Variants in SBK2 observed in about 807,000 individuals in gnomAD.
The protein encoded by SBK2 is SH3 domain binding kinase family member 2.
Under a neutral mutation model 15.9 loss-of-function variants are expected in SBK2, and 18 were observed. The ratio of observed to expected loss-of-function variants is 1.13; its 90% confidence interval spans 0.78 to 1.68. The LOEUF (loss-of-function observed/expected upper bound fraction) is 1.68. SBK2 is among the 40% of genes most tolerant of loss of function. SBK2 has a pLI of 0.00. For synonymous variants in SBK2, 284 were observed against 246.8 expected (o/e 1.15, Z -1.41); for missense variants, 581 against 510.9 (o/e 1.14, Z -1.32).
At chr19:55,534,704 C>CAAAAAAAAAA (rs35461460) in intron 2 of SBK2, among the ~76,000 whole-genome samples, 1 of 82,582 alleles carries the variant, frequency 1.2e-5, no homozygotes, top group Non-Finnish European at 2.1e-5. Flanking sequence ...GACCCTGTCT[C>CAAAAAAAAAA]AAAAAAAAAA....
chr19:55,530,499 T>TAG (rs1568491189), intron 3 of SBK2, among the ~76,000 whole-genome samples, 176 bp from the exon 4 acceptor site: 20 of 36,508 alleles, frequency 5.5e-4, no homozygotes, highest in Admixed American at 6.9e-4. Flanking sequence ...GGTGACCCCG[T>TAG]GAGGCCTAGT....
intron 1 of SBK2, among the ~76,000 whole-genome samples, chr19:55,536,574 C>T (rs1029062649): frequency 1.3e-5 from 2 of 150,078 alleles, no homozygotes; most frequent in Non-Finnish European, 3.0e-5. Context: ...ATCTTGTTTC[C>T]AAAGCAAACA....
At chr19:55,536,382 G>T in intron 1 of SBK2, 86 bp from the exon 2 acceptor site, 1 of 1,206,076 alleles carries the variant, frequency 8.3e-7, no homozygotes, top group Non-Finnish European at 1.1e-6. Context: ...GGGTCTGAGG[G>T]AGGAGGGGCT....
At position 55,529,886 on chromosome 19, in the gene SBK2, G is replaced by C. The variant is rs767873218; in HGVS notation, c.894C>G (p.Ala298=). ...DRPQPWFGLA[A]AADALLRGLL... ...GCCCCCGCAGAAGCGCGTCGGCCGC[G>C]GCGGCCAGGCCGAACCAGGGCTGAG... The change falls in exon 4 of 4, where the codon GCC becomes GCG. Residue 298 remains alanine, a synonymous_variant. Coordinates refer to ENST00000413299, the MANE Select transcript of SBK2 (RefSeq NM_001370096.2). 2.5e-6 allele frequency: 4 copies of C among 1,582,900 alleles called. No individual in the cohort carries two copies. The highest frequency in any genetic ancestry group is 1.1e-5 in the South Asian group (1 of 88,246).
chr19:55,530,389 A>G, intron 3 of SBK2, 66 bp from the exon 4 acceptor site: 4 of 1,359,776 alleles, frequency 2.9e-6, no homozygotes, highest in Non-Finnish European at 3.8e-6. Context: ...CCCAGGAAGC[A>G]GGCCCAGGAC....
intron 2 of SBK2, among the ~76,000 whole-genome samples, chr19:55,532,449 C>G (rs113041133): frequency 0.013 from 1,925 of 148,782 alleles, 35 homozygotes; most frequent in African/African-American, 0.044. Flanking sequence ...ATTACGGGCA[C>G]CTGCCACCAT....
chr19:55,534,721 GA>G (rs1170370100), intron 2 of SBK2, among the ~76,000 whole-genome samples: 1 of 62,018 alleles, frequency 1.6e-5, no homozygotes, highest in East Asian at 4.1e-4. Context: ...AAAAAAAAAA[GA>G]AAAAAAAAGA....
At chr19:55,535,944 CTT>C in intron 2 of SBK2, 96 bp downstream of exon 2, 1 of 1,210,898 alleles carries the variant, frequency 8.3e-7, no homozygotes, top group Middle Eastern at 2.5e-4. Flanking sequence ...AGAGGTAAGA[CTT>C]GATTCAGGCC....
chr19:55,536,508 G>A (rs1283582303), intron 1 of SBK2, among the ~76,000 whole-genome samples: 1 of 151,634 alleles, frequency 6.6e-6, no homozygotes, highest in Non-Finnish European at 1.5e-5. Context: ...GCGTGCCGCC[G>A]CCGCCACCCG....
chr19:55,531,845 G>T (rs958283367), intron 2 of SBK2, among the ~76,000 whole-genome samples: 1 of 152,102 alleles, frequency 6.6e-6, no homozygotes. Context: ...TGGGTGTGGT[G>T]GCGCATGCGT....
intron 2 of SBK2, 77 bp from the exon 3 acceptor site, chr19:55,531,422 G>A (rs2123477022): frequency 1.7e-6 from 2 of 1,177,538 alleles, no homozygotes; most frequent in East Asian, 2.6e-5. Context: ...TTCCCCTGTG[G>A]TCCCCTCAAT....
At chr19:55,534,659 A>T (rs310455) in intron 2 of SBK2, among the ~76,000 whole-genome samples, 1 of 145,280 alleles carries the variant, frequency 6.9e-6, no homozygotes, top group East Asian at 2.0e-4. Context: ...GTGAGCTATG[A>T]TTGTGCCACT....
chr19:55,533,813 C>T (rs565275997), intron 2 of SBK2, among the ~76,000 whole-genome samples: 3 of 152,166 alleles, frequency 2.0e-5, no homozygotes, highest in South Asian at 2.1e-4. Context: ...GCCACGGCCA[C>T]GCCACCCGGT....
chr19:55,536,412 C>A, intron 1 of SBK2, 116 bp from the exon 2 acceptor site: 1 of 740,906 alleles, frequency 1.3e-6, no homozygotes, highest in Non-Finnish European at 1.8e-6. Flanking sequence ...TCGCGCTTCT[C>A]ATTGTGACTC....
At chr19:55,533,224 G>A (rs934971985) in intron 2 of SBK2, among the ~76,000 whole-genome samples, 7 of 151,906 alleles carry the variant, frequency 4.6e-5, no homozygotes, top group East Asian at 1.9e-4. Context: ...CCAGCTACTC[G>A]GAAGGCTGAG....
chr19:55,530,182 T>A lies in SBK2; in HGVS notation c.598A>T (p.Lys200Ter), dbSNP rs2123474999. Residue 200 changes from lysine to a stop codon, truncating the protein, a stop_gained, in exon 4 of 4, where the codon AAG (lysine) becomes TAG (stop). Transcript: ENST00000413299. LOFTEE classifies it low-confidence loss of function (END_TRUNC). ...CTCGTGTGGCCGAAGTCGGTCAGCT[T>A]GAAGCGCCGGCAGGCCGGGTCGCAC... The part of the protein sequence containing the change: ...LVCDPACRRF[K>*]LTDFGHTRPR... 1 of 1,531,060 alleles carries A rather than the reference T, an allele frequency of 6.5e-7. No individual in the cohort carries two copies. Among genetic ancestry groups the A allele is most frequent in the Non-Finnish European group, 8.8e-7 (1 of 1,139,532 alleles). The allele number at this position is 1,531,060 out of a possible 1,614,324, so 94.8% of individuals were successfully genotyped here. A position where few individuals can be genotyped will look rare whatever the true frequency, so the allele number is the denominator to read the frequency against.
chr19:55,530,131 C>A lies in SBK2; in HGVS notation c.649G>T (p.Ala217Ser). ...TRPRGTLLRLAGPPIPYTAPE... is the reference protein window; with the variant it reads ...TRPRGTLLRLSGPPIPYTAPE... ...GCCGTGTAGGGGATGGGCGGCCCGG[C>A]CAGGCGCAGCAGCGTCCCGCGAGGC... The change falls in exon 4 of 4, where the codon GCC becomes TCC. Residue 217 changes from alanine (A) to serine (S), a missense_variant. By Grantham distance (99) the Ala-to-Ser change is moderately conservative. Transcript: ENST00000413299. 1 of 1,468,554 alleles carries A rather than the reference C, an allele frequency of 6.8e-7. No homozygotes were observed. The highest frequency in any genetic ancestry group is 9.0e-7 in the Non-Finnish European group (1 of 1,113,734). The allele number at this position is 1,468,554 out of a possible 1,614,324, so 91.0% of individuals were successfully genotyped here.
chr19:55,530,862 G>A (rs1030842482), intron 3 of SBK2, among the ~76,000 whole-genome samples: 7 of 152,088 alleles, frequency 4.6e-5, no homozygotes, highest in African/African-American at 1.4e-4. Flanking sequence ...GCGGGGCCTC[G>A]GGTGACCCTG....
Position 55,529,747 on chromosome 19 carries a change from C to T in SBK2, c.1033G>A (p.Glu345Lys). 1 of 1,601,444 alleles carries T rather than the reference C, an allele frequency of 6.2e-7. No individual in the cohort carries two copies. The highest frequency in any genetic ancestry group is 1.7e-5 in the Admixed American group (1 of 59,978). The change falls in exon 4 of 4, where the codon GAG becomes AAG. Residue 345 changes from glutamate (E) to lysine (K), a missense_variant. Coordinates refer to ENST00000413299, the MANE Select transcript of SBK2 (RefSeq NM_001370096.2). Reference protein sequence around the residue: ...EAEAVGAVEEEAGQ With the variant: ...EAEAVGAVEEKAGQ ...CCGGGGCCTCCTCACTGCCCAGCCT[C>T]CTCTTCCACCGCTCCCACTGCCTCC...
Sources: gnomAD v4.1 joint callset for allele counts (sites outside exome capture counted in the v4.1 genomes callset) on GRCh38, gnomAD v4.1.1 for gene constraint, MANE v1.5 for transcripts, NCBI Gene and HGNC (gene_info 2026-07-23, HGNC 2026-07-21) for gene names.